GRIN2B: variants seen among roughly 807,000 people sequenced by gnomAD.
GRIN2B encodes glutamate ionotropic receptor NMDA type subunit 2B, also known as glutamate receptor ionotropic, NMDA 2B.
In GRIN2B, 5 loss-of-function variants were observed where a neutral mutation model predicts 114.5. That is an observed-to-expected ratio of 0.04 (90% CI 0.02 to 0.09). The LOEUF is 0.09. Among genes scored for constraint, GRIN2B ranks in the 10% least tolerant of loss-of-function variants. The probability of loss-of-function intolerance (pLI) is 1.00; values close to 1 mark genes in which losing one functional copy is unlikely to be tolerated. For missense variants in GRIN2B, 1,108 were observed against 1,943.5 expected (o/e 0.57, Z 8.08); for synonymous variants, 787 against 745.1 (o/e 1.06, Z -0.92).
At chr12:13,766,193 A>C (rs1238686248) in intron 3 of GRIN2B, among the ~76,000 whole-genome samples, 1 of 152,236 alleles carries the variant, frequency 6.6e-6, no homozygotes, top group Non-Finnish European at 1.5e-5. Context: ...AGGAAGTAGA[A>C]ATGAAGTATA....
chr12:13,825,634 T>G (rs1262574614), intron 3 of GRIN2B, among the ~76,000 whole-genome samples: 2 of 151,038 alleles, frequency 1.3e-5, no homozygotes, highest in Non-Finnish European at 3.0e-5. Context: ...CTCCTGCCTC[T>G]GCCTCCCGAG....
At chr12:13,848,151 C>T (rs974087611) in intron 3 of GRIN2B, among the ~76,000 whole-genome samples, 1 of 152,152 alleles carries the variant, frequency 6.6e-6, no homozygotes, top group African/African-American at 2.4e-5. Context: ...AATCTGTGGC[C>T]ATCAGGAAAG....
At chr12:13,804,733 G>C (rs1864573146) in intron 3 of GRIN2B, among the ~76,000 whole-genome samples, 1 of 151,970 alleles carries the variant, frequency 6.6e-6, no homozygotes, top group South Asian at 2.1e-4. Flanking sequence ...GTTATTTCTT[G>C]TCTCCTCCAA....
chr12:13,561,934 T>C lies in GRIN2B; in HGVS notation c.*849A>G, dbSNP rs200455486. 6.6e-6 allele frequency: 1 copy of C among 152,670 alleles called. No homozygotes were observed. The highest frequency in any genetic ancestry group is 1.5e-5 in the Non-Finnish European group (1 of 68,048). The allele number at this position is 152,670 out of a possible 1,614,324, so 9.5% of individuals were successfully genotyped here. A position where few individuals can be genotyped will look rare whatever the true frequency, so the allele number is the denominator to read the frequency against. ...TAATACATGGCCATCTCTGTCTGTA[T>C]ATAAGCCAAACAATCACACTGCTTG... On this transcript the variant is annotated 3_prime_UTR_variant, in exon 14 of 14. Transcript: ENST00000609686.
intron 4 of GRIN2B, among the ~76,000 whole-genome samples, chr12:13,725,708 T>C (rs1210442312): frequency 1.3e-5 from 2 of 152,154 alleles, no homozygotes; most frequent in South Asian, 4.1e-4. Flanking sequence ...ATATTTTCAT[T>C]TTCCCTCTGC....
At chr12:13,873,474 T>C (rs951345745) in intron 2 of GRIN2B, among the ~76,000 whole-genome samples, 1 of 152,196 alleles carries the variant, frequency 6.6e-6, no homozygotes, top group African/African-American at 2.4e-5. Context: ...ATCATCCAAG[T>C]CTGTAGAAAT....
chr12:13,667,109 C>T (rs1027910487), intron 5 of GRIN2B, among the ~76,000 whole-genome samples: 10 of 152,150 alleles, frequency 6.6e-5, no homozygotes, highest in African/African-American at 1.9e-4. Context: ...TCCTTGGGAA[C>T]GTGAGTCTGA....
intron 3 of GRIN2B, among the ~76,000 whole-genome samples, chr12:13,817,975 T>C (rs1864861100): frequency 6.6e-6 from 1 of 152,122 alleles, no homozygotes; most frequent in Non-Finnish European, 1.5e-5. Context: ...ATTGTTATCG[T>C]TTTTTTGTTT....
chr12:13,916,737 TTGTG>T (rs57501769), intron 2 of GRIN2B, among the ~76,000 whole-genome samples: 65 of 139,942 alleles, frequency 4.6e-4, no homozygotes, highest in African/African-American at 1.4e-3. Context: ...ACACACACAT[TTGTG>T]TGTGTGTGTG....
intron 5 of GRIN2B, among the ~76,000 whole-genome samples, chr12:13,649,751 C>T (rs906682947): frequency 1.3e-5 from 2 of 151,982 alleles, no homozygotes; most frequent in Admixed American, 6.6e-5. Flanking sequence ...GAAGATGAGC[C>T]CCATCTTCTG....
At chr12:13,778,420 T>C (rs1258916478) in intron 3 of GRIN2B, among the ~76,000 whole-genome samples, 1 of 152,182 alleles carries the variant, frequency 6.6e-6, no homozygotes, top group Non-Finnish European at 1.5e-5. Flanking sequence ...CAGTTCCCCA[T>C]AAGCACGGCA....
intron 2 of GRIN2B, among the ~76,000 whole-genome samples, chr12:13,911,370 G>A (rs1243838055): frequency 6.6e-6 from 1 of 152,130 alleles, no homozygotes; most frequent in East Asian, 1.9e-4. Flanking sequence ...CAAGGATGTG[G>A]AGGTCTGGAG....
intron 2 of GRIN2B, among the ~76,000 whole-genome samples, chr12:13,939,394 A>T (rs1867192256): frequency 6.6e-6 from 1 of 151,648 alleles, no homozygotes; most frequent in Admixed American, 6.6e-5. Context: ...TTCACAGGAG[A>T]TCTGGTTGTT....
intron 4 of GRIN2B, among the ~76,000 whole-genome samples, chr12:13,720,700 G>A (rs986281332): frequency 3.9e-5 from 6 of 151,968 alleles, no homozygotes; most frequent in Non-Finnish European, 8.8e-5. Context: ...TTTATAGGAG[G>A]GGCTTCCAGA....
chr12:13,691,793 C>G (rs989435484), intron 4 of GRIN2B, among the ~76,000 whole-genome samples: 2 of 152,070 alleles, frequency 1.3e-5, no homozygotes, highest in African/African-American at 4.8e-5. Context: ...ATCTCCATGG[C>G]AACCACATTA....
At chr12:13,697,168 AT>A (rs1309677950) in intron 4 of GRIN2B, among the ~76,000 whole-genome samples, 1 of 152,188 alleles carries the variant, frequency 6.6e-6, no homozygotes, top group East Asian at 1.9e-4. Context: ...TAAGATGTAA[AT>A]TCTGAGTTGC....
chr12:13,881,347 T>C (rs1173023026), intron 2 of GRIN2B, among the ~76,000 whole-genome samples: 1 of 152,198 alleles, frequency 6.6e-6, no homozygotes, highest in African/African-American at 2.4e-5. Flanking sequence ...CTTCGGCACC[T>C]CTTCCTCTAC....
At chr12:13,795,219 T>G (rs1864396833) in intron 3 of GRIN2B, among the ~76,000 whole-genome samples, 1 of 152,294 alleles carries the variant, frequency 6.6e-6, no homozygotes, top group Middle Eastern at 3.4e-3. Flanking sequence ...CAACATTTAG[T>G]GGATAATAAG....
At chr12:13,916,177 C>T (rs1866716896) in intron 2 of GRIN2B, among the ~76,000 whole-genome samples, 1 of 152,134 alleles carries the variant, frequency 6.6e-6, no homozygotes, top group Admixed American at 6.6e-5. Context: ...TTTGACATTT[C>T]CATTTCACTC....
Sources: allele counts gnomAD v4.1 joint callset (sites outside exome capture counted in the v4.1 genomes callset), GRCh38; gene constraint gnomAD v4.1.1; transcripts MANE v1.5; gene names NCBI Gene and HGNC (gene_info 2026-07-23, HGNC 2026-07-21).